The following KCNH1 variants were observed in gnomAD, a reference collection of about 807,000 sequenced individuals.
The protein encoded by KCNH1 is voltage-gated delayed rectifier potassium channel KCNH1.
KCNH1 carries 27 observed loss-of-function variants against 69.2 expected under a neutral mutation model. That is an observed-to-expected ratio of 0.39 (90% confidence interval 0.29 to 0.54). The LOEUF is 0.54. Among genes scored for constraint, KCNH1 ranks in the 20% least tolerant of loss-of-function variants. KCNH1 has a pLI of 0.68. For missense variants in KCNH1, 798 were observed against 1,261.6 expected (o/e 0.63, Z 5.57); for synonymous variants, 456 against 487.7 (o/e 0.93, Z 0.86).
At chr1:210,922,212 T>A (rs1687474027) in intron 6 of KCNH1, among the ~76,000 whole-genome samples, 2 of 151,336 alleles carry the variant, frequency 1.3e-5, no homozygotes, top group South Asian at 4.2e-4. Flanking sequence ...AAACCCTGTC[T>A]CCACTAAAAA....
intron 6 of KCNH1, among the ~76,000 whole-genome samples, chr1:210,927,931 AAC>A (rs985697472): frequency 6.6e-6 from 1 of 152,198 alleles, no homozygotes; most frequent in African/African-American, 2.4e-5. Context: ...AGACAAAACA[AAC>A]TTTAAAGAAA....
At chr1:211,012,915 A>G (rs1457480378) in intron 6 of KCNH1, among the ~76,000 whole-genome samples, 2 of 152,186 alleles carry the variant, frequency 1.3e-5, no homozygotes, top group African/African-American at 2.4e-5. Context: ...TGTACATCCC[A>G]CTGCATTTTT....
At chr1:210,894,409 A>G (rs1424937844) in intron 7 of KCNH1, among the ~76,000 whole-genome samples, 1 of 152,168 alleles carries the variant, frequency 6.6e-6, no homozygotes, top group East Asian at 1.9e-4. Flanking sequence ...AACCTTGTGC[A>G]AGCACCAGTC....
intron 6 of KCNH1, among the ~76,000 whole-genome samples, chr1:211,014,776 A>G (rs546263292): frequency 2.4e-4 from 37 of 152,282 alleles, no homozygotes; most frequent in African/African-American, 8.9e-4. Context: ...TTTTATGAGA[A>G]ATGAGTCAAT....
intron 10 of KCNH1, among the ~76,000 whole-genome samples, chr1:210,735,421 A>AGTGTGT (rs71146244): frequency 2.1e-3 from 278 of 132,078 alleles, no homozygotes; most frequent in African/African-American, 3.8e-3. Flanking sequence ...TGAGTGAGTG[A>AGTGTGT]GTGTGTGTGT....
intron 3 of KCNH1, among the ~76,000 whole-genome samples, chr1:211,101,577 C>G (rs75105282): frequency 6.6e-6 from 1 of 152,174 alleles, no homozygotes; most frequent in Non-Finnish European, 1.5e-5. Context: ...AGCACAGATG[C>G]AATTCCAGAC....
At chr1:210,872,954 T>A (rs1260459071) in intron 7 of KCNH1, among the ~76,000 whole-genome samples, 5 of 152,088 alleles carry the variant, frequency 3.3e-5, no homozygotes, top group African/African-American at 1.2e-4. Context: ...CTCAATACTT[T>A]AATTTTCTGT....
intron 6 of KCNH1, among the ~76,000 whole-genome samples, chr1:210,932,766 T>C (rs1400039490): frequency 6.6e-6 from 1 of 152,136 alleles, no homozygotes; most frequent in Non-Finnish European, 1.5e-5. Context: ...GACCAAGAAG[T>C]TCATTATATA....
At chr1:210,735,382 A>T (rs997503269) in intron 10 of KCNH1, among the ~76,000 whole-genome samples, 1 of 151,626 alleles carries the variant, frequency 6.6e-6, no homozygotes. Flanking sequence ...TTTAAAAGAC[A>T]TTCAACAAAT....
chr1:211,132,857 C>T (rs1216006103), intron 1 of KCNH1: 1 of 152,152 alleles, frequency 6.6e-6, no homozygotes, highest in East Asian at 1.9e-4. Context: ...TTCAATATAG[C>T]CATTTGATGA....
chr1:210,965,786 T>A (rs1486608671), intron 6 of KCNH1, among the ~76,000 whole-genome samples: 1 of 152,164 alleles, frequency 6.6e-6, no homozygotes, highest in Non-Finnish European at 1.5e-5. Flanking sequence ...AGAATCAGTA[T>A]CATGATAATG....
intron 6 of KCNH1, among the ~76,000 whole-genome samples, chr1:210,986,670 T>C (rs2088877): frequency 0.71 from 108,123 of 152,102 alleles, 39,389 homozygotes; most frequent in African/African-American, 0.87. Flanking sequence ...GTCTGATGGG[T>C]TTCCCTTTGT....
In KCNH1 at chr1:210,806,854, T is replaced by TAA. The variant is rs1558477913; in HGVS notation, c.1463-2690_1463-2689dup. ...AAAAAAAAATATATATATATATATA[T>TAA]AAATTTGCCGGGCATGGTGGTGCAC... is the stretch of plus-strand genomic sequence containing the variant. On this transcript the variant is annotated intron_variant, in intron 7 of 10. Coordinates refer to ENST00000271751, the MANE Select transcript of KCNH1 (RefSeq NM_172362.3). Among the ~76,000 whole-genome samples the TAA allele has an allele frequency of 8.4e-4, 103 of 122,414 alleles. 2 individuals carry two copies. The highest frequency in any genetic ancestry group is 3.2e-3 in the African/African-American group (100 of 30,980). 80.3% of individuals were successfully genotyped at this position (122,414 alleles called of 152,430 possible). A position where few individuals can be genotyped will look rare whatever the true frequency, so the allele number is the denominator to read the frequency against.
intron 10 of KCNH1, among the ~76,000 whole-genome samples, chr1:210,714,450 C>T (rs1008726306): frequency 6.6e-6 from 1 of 152,146 alleles, no homozygotes; most frequent in African/African-American, 2.4e-5. Context: ...CATCACGCAA[C>T]TTTAGGCAAG....
chr1:210,963,195 G>C (rs1297399527), intron 6 of KCNH1, among the ~76,000 whole-genome samples: 1 of 151,818 alleles, frequency 6.6e-6, no homozygotes, highest in Non-Finnish European at 1.5e-5. Flanking sequence ...ACTGGGGCCT[G>C]ACTCTTAGAA....
chr1:210,762,043 G>T (rs73069528), intron 10 of KCNH1, among the ~76,000 whole-genome samples: 1 of 151,780 alleles, frequency 6.6e-6, no homozygotes, highest in African/African-American at 2.4e-5. Context: ...TCATACAGTG[G>T]AATAAAAATA....
intron 10 of KCNH1, among the ~76,000 whole-genome samples, chr1:210,728,894 A>C (rs1574216064): frequency 1.3e-5 from 2 of 152,338 alleles, no homozygotes; most frequent in East Asian, 3.9e-4. Flanking sequence ...TCTGCATCCC[A>C]ACCTGCTAAA....
chr1:210,766,466 G>A lies in KCNH1; in HGVS notation c.2112+8882C>T, dbSNP rs914023759. Among the ~76,000 whole-genome samples the A allele has an allele frequency of 5.9e-5, 9 of 151,864 alleles. No individual in the cohort carries two copies. The South Asian group carries it at 1.3e-3, about 21-fold the overall frequency. ...CTTGAAACCAGGAGGCAGAGGTTGC[G>A]GTAAGCCAAGATCATACCATTGCAC... On this transcript the variant is annotated intron_variant, in intron 10 of 10. Transcript: ENST00000271751.
At chr1:210,937,955 C>G (rs1687803570) in intron 6 of KCNH1, among the ~76,000 whole-genome samples, 1 of 152,202 alleles carries the variant, frequency 6.6e-6, no homozygotes, top group South Asian at 2.1e-4. Context: ...GCTTTAACCA[C>G]CATCTATTCA....
Sources: allele counts gnomAD v4.1 joint callset (sites outside exome capture counted in the v4.1 genomes callset), GRCh38; gene constraint gnomAD v4.1.1; transcripts MANE v1.5; gene names NCBI Gene and HGNC (gene_info 2026-07-23, HGNC 2026-07-21).